The following CLNK variants were observed in gnomAD, a reference collection of about 807,000 sequenced individuals.
CLNK encodes cytokine dependent hematopoietic cell linker, also known as cytokine-dependent hematopoietic cell linker.
In CLNK, 74 loss-of-function variants were observed where a neutral mutation model predicts 68.6. The observed-to-expected ratio is 1.08, with a 90% CI of 0.89 to 1.31. The LOEUF is 1.31. Among genes scored for constraint, CLNK ranks in the 50% most tolerant of loss-of-function variants. The pLI is 0.00. For synonymous variants in CLNK, 198 were observed against 172.2 expected, an observed-to-expected ratio of 1.15 and a Z score of -1.17; for missense variants, 553 against 515.3, an observed-to-expected ratio of 1.07 and a Z score of -0.71.
rs1039538627 is a variant in CLNK at position 10,516,698 on chromosome 4, G to A, written c.773-3101C>T. On this transcript the variant is annotated intron_variant, in intron 15 of 18. Coordinates refer to ENST00000226951, the MANE Select transcript of CLNK (RefSeq NM_052964.4). Reference sequence around the variant, plus strand: ...CTCCCGAGTAGCTGGAATTACAGGCGCCCGCCACCATGCCCAGCTAATTTT... The same window carrying A: ...CTCCCGAGTAGCTGGAATTACAGGCACCCGCCACCATGCCCAGCTAATTTT... Among the ~76,000 whole-genome samples, 20 of 152,026 alleles carry A rather than the reference G, an allele frequency of 1.3e-4. 1 individual carries two copies. The highest frequency in any genetic ancestry group is 9.6e-4 in the East Asian group (5 of 5,192).
At chr4:10,718,983 T>G in the CLNK span, among the ~76,000 whole-genome samples, 7 of 152,080 alleles carry the variant, frequency 4.6e-5, no homozygotes, top group Non-Finnish European at 7.4e-5. Context: ...TAGTAAATGT[T>G]GAATGTATAA....
rs567784397 is a variant in CLNK, at chr4:10,676,511, ATC to A, written c.-43+8155_-43+8156del. On this transcript the variant is annotated intron_variant, in intron 1 of 18. Transcript: ENST00000226951. ...TGGTAATGAGTAACTTCCCTTGAGT[ATC>A]TCAAGGCAATGTGACTGTGCATTCA... 2.6e-3 allele frequency among the ~76,000 whole-genome samples: 394 copies of A among 151,388 alleles called. 1 individual carries two copies. Among genetic ancestry groups the A allele is most frequent in the Middle Eastern group, 6.8e-3 (2 of 292 alleles).
chr4:10,688,724 G>A (rs1725356507), upstream of CLNK, among the ~76,000 whole-genome samples: 1 of 152,148 alleles, frequency 6.6e-6, no homozygotes, highest in African/African-American at 2.4e-5. Flanking sequence ...ATACACAGGT[G>A]TAACACATCT....
At chr4:10,666,789 A>G (rs1724413896) in intron 2 of CLNK, among the ~76,000 whole-genome samples, 1 of 152,220 alleles carries the variant, frequency 6.6e-6, no homozygotes, top group South Asian at 2.1e-4. Flanking sequence ...TTTTCATGGC[A>G]AGAGGAAGAG....
At position 10,600,318 on chromosome 4, in the gene CLNK, T is replaced by C. The variant is rs112666799; in HGVS notation, c.12-2269A>G. ...TCTGGTACTTTTGCATACCTCTCTA[T>C]GGCCATTCATTTCGTTTGTTCATGA... On this transcript the variant is annotated intron_variant, in intron 2 of 18. Coordinates refer to ENST00000226951, the MANE Select transcript of CLNK (RefSeq NM_052964.4). 3.2e-3 allele frequency among the ~76,000 whole-genome samples: 491 copies of C among 152,340 alleles called. 1 individual carries two copies. Among genetic ancestry groups the C allele is most frequent in the Middle Eastern group, 0.017 (5 of 294 alleles).
intron 1 of CLNK, among the ~76,000 whole-genome samples, chr4:10,669,827 T>A (rs570951010): frequency 1.5e-4 from 23 of 152,308 alleles, no homozygotes; most frequent in African/African-American, 5.3e-4. Flanking sequence ...TGTTAGGCTT[T>A]CATTCACTGA....
intron 3 of CLNK, among the ~76,000 whole-genome samples, chr4:10,590,515 C>G (rs111637448): frequency 6.6e-6 from 1 of 152,176 alleles, no homozygotes; most frequent in African/African-American, 2.4e-5. Flanking sequence ...CAGGCACCGA[C>G]TGTTAGTCCA....
At chr4:10,591,502 G>A (rs1721176306) in intron 3 of CLNK, among the ~76,000 whole-genome samples, 1 of 152,208 alleles carries the variant, frequency 6.6e-6, no homozygotes, top group African/African-American at 2.4e-5. Flanking sequence ...GGTGCTGAAT[G>A]GGTAAGAGTG....
chr4:10,589,701 A>G (rs141796186), intron 3 of CLNK, among the ~76,000 whole-genome samples: 100 of 152,246 alleles, frequency 6.6e-4, no homozygotes, highest in African/African-American at 2.2e-3. Flanking sequence ...TTTGGTCTAG[A>G]TGGATTGTGG....
chr4:10,594,963 A>G (rs1448088575), intron 3 of CLNK, among the ~76,000 whole-genome samples: 1 of 152,126 alleles, frequency 6.6e-6, no homozygotes, highest in Non-Finnish European at 1.5e-5. Flanking sequence ...ATGTGGTGGC[A>G]CATGCCTGTA....
chr4:10,620,995 A>T (rs1722430218), intron 2 of CLNK, among the ~76,000 whole-genome samples: 1 of 151,860 alleles, frequency 6.6e-6, no homozygotes, highest in African/African-American at 2.4e-5. Flanking sequence ...CTGTAGTCCC[A>T]GCTGCTCAGG....
chr4:10,597,649 T>A (rs1413393198), intron 3 of CLNK, among the ~76,000 whole-genome samples: 1 of 152,202 alleles, frequency 6.6e-6, no homozygotes, highest in Non-Finnish European at 1.5e-5. Flanking sequence ...TGATCCATCA[T>A]TCAAATCATT....
chr4:10,507,337 C>A (rs964057758), intron 17 of CLNK, among the ~76,000 whole-genome samples: 74 of 151,910 alleles, frequency 4.9e-4, no homozygotes, highest in Non-Finnish European at 2.4e-4. Context: ...GTCTTGAACT[C>A]CTGACCTCAG....
intron 18 of CLNK, among the ~76,000 whole-genome samples, chr4:10,499,852 C>T (rs1716968144): frequency 6.6e-6 from 1 of 152,098 alleles, no homozygotes; most frequent in Admixed American, 6.5e-5. Context: ...TGCCTGTGTC[C>T]TAATCTCCTC....
At chr4:10,671,556 T>C (rs1250322531) in intron 1 of CLNK, among the ~76,000 whole-genome samples, 1 of 152,192 alleles carries the variant, frequency 6.6e-6, no homozygotes, top group Admixed American at 6.5e-5. Flanking sequence ...TGATCTAATC[T>C]TAGCCATCGT....
intron 2 of CLNK, among the ~76,000 whole-genome samples, chr4:10,619,124 T>G (rs1237603637): frequency 1.3e-5 from 2 of 152,330 alleles, no homozygotes; most frequent in Admixed American, 1.3e-4. Context: ...AGTTGCACAG[T>G]TCCGCTGAAA....
chr4:10,711,629 C>A, the CLNK span, among the ~76,000 whole-genome samples: 1 of 152,106 alleles, frequency 6.6e-6, no homozygotes, highest in Non-Finnish European at 1.5e-5. Context: ...TGAAGCCTGT[C>A]TTTTTCCTGA....
the CLNK span, among the ~76,000 whole-genome samples, chr4:10,714,680 T>TG: frequency 9.2e-6 from 1 of 109,060 alleles, no homozygotes; most frequent in Non-Finnish European, 2.0e-5. Context: ...ATACATTCAT[T>TG]GTGGTGTGTG....
intron 11 of CLNK, among the ~76,000 whole-genome samples, chr4:10,537,726 T>TCTTTCTTTCTTTCTTTCTTA (rs1718851175): frequency 3.1e-5 from 4 of 128,110 alleles, no homozygotes; most frequent in African/African-American, 1.2e-4. Flanking sequence ...TTTCTTTCTT[T>TCTTTCTTTCTTTCTTTCTTA]CTTTCTTTCT....
Sources: allele counts gnomAD v4.1 joint callset (sites outside exome capture counted in the v4.1 genomes callset), GRCh38; gene constraint gnomAD v4.1.1; transcripts MANE v1.5; gene names NCBI Gene and HGNC (gene_info 2026-07-23, HGNC 2026-07-21).